The following KCNN1 variants were observed in gnomAD, a reference collection of about 807,000 sequenced individuals.
The protein encoded by KCNN1 is potassium calcium-activated channel subfamily N member 1, also known as small conductance calcium-activated potassium channel protein 1.
Under a neutral mutation model 44.7 loss-of-function variants are expected in KCNN1, and 20 were observed. The observed-to-expected ratio is 0.45, with a 90% CI of 0.32 to 0.65. The LOEUF is 0.65. Ranked by LOEUF, KCNN1 falls within the 30% of genes least tolerant of loss-of-function variation. The pLI is 0.05. For synonymous variants in KCNN1, 324 were observed against 341.7 expected (o/e 0.95, Z 0.57); for missense variants, 632 against 785.3 (o/e 0.80, Z 2.33).
At chr19:17,952,917 C>A (rs1012469712) in intron 1 of KCNN1, among the ~76,000 whole-genome samples, 3 of 152,186 alleles carry the variant, frequency 2.0e-5, no homozygotes, top group Admixed American at 2.0e-4. Flanking sequence ...GGTCACCCAG[C>A]TGGGCTGGGG....
At chr19:17,989,296 A>G (rs1376119884) in intron 6 of KCNN1, among the ~76,000 whole-genome samples, 1 of 152,072 alleles carries the variant, frequency 6.6e-6, no homozygotes, top group Non-Finnish European at 1.5e-5. Flanking sequence ...CATCTCTAGT[A>G]AAAATACAAA....
intron 9 of KCNN1, among the ~76,000 whole-genome samples, chr19:17,996,815 G>A (rs1469222366): frequency 6.6e-6 from 1 of 152,130 alleles, no homozygotes; most frequent in African/African-American, 2.4e-5. Flanking sequence ...TTGCACTGAT[G>A]GAGGGAAAAG....
At chr19:17,986,559 T>A (rs1481633282) in intron 5 of KCNN1, among the ~76,000 whole-genome samples, 1 of 152,128 alleles carries the variant, frequency 6.6e-6, no homozygotes, top group African/African-American at 2.4e-5. Context: ...CTTTCTCTTT[T>A]CCCTAATTCA....
intron 9 of KCNN1, among the ~76,000 whole-genome samples, chr19:17,997,104 C>T (rs8182587): frequency 0.27 from 40,429 of 152,202 alleles, 5,848 homozygotes; most frequent in Non-Finnish European, 0.33. Context: ...GTGCCAGAAC[C>T]GGGCAGTTGA....
intron 5 of KCNN1, among the ~76,000 whole-genome samples, chr19:17,987,868 C>T (rs949870851): frequency 2.7e-5 from 4 of 147,506 alleles, no homozygotes; most frequent in Non-Finnish European, 4.5e-5. Flanking sequence ...CAGGGCCAGG[C>T]GCAGTGGCTT....
At chr19:17,990,885 T>C (rs73024634) in intron 7 of KCNN1, among the ~76,000 whole-genome samples, 6,982 of 152,020 alleles carry the variant, frequency 0.046, 174 homozygotes, top group Middle Eastern at 0.058. Flanking sequence ...CTGAGAACTA[T>C]TTAATAAAGT....
chr19:17,982,190 C>T, intron 4 of KCNN1, 63 bp downstream of exon 4: 1 of 1,324,238 alleles, frequency 7.6e-7, no homozygotes. Flanking sequence ...ACCTCCATGC[C>T]CATTCATGAT....
intron 2 of KCNN1, among the ~76,000 whole-genome samples, chr19:17,960,611 C>T (rs2031654191): frequency 1.3e-5 from 2 of 151,704 alleles, no homozygotes; most frequent in Non-Finnish European, 2.9e-5. Flanking sequence ...GCCTGGGTGA[C>T]AGGAGCGAAA....
At chr19:17,990,340 T>A (rs2032744114) in intron 7 of KCNN1, among the ~76,000 whole-genome samples, 1 of 150,836 alleles carries the variant, frequency 6.6e-6, no homozygotes, top group Non-Finnish European at 1.5e-5. Flanking sequence ...AGAACTTAAC[T>A]GGGTGTGGTG....
chr19:17,995,902 GC>G (rs1332739145), intron 9 of KCNN1, among the ~76,000 whole-genome samples: 4 of 151,862 alleles, frequency 2.6e-5, no homozygotes, highest in Admixed American at 1.3e-4. Context: ...AAGTTTTGAC[GC>G]CCCCTCACCC....
chr19:17,955,280 G>T (rs2031514985), intron 2 of KCNN1, among the ~76,000 whole-genome samples: 1 of 150,352 alleles, frequency 6.7e-6, no homozygotes, highest in African/African-American at 2.4e-5. Flanking sequence ...AAGAAAAAAG[G>T]CCAGACGTGG....
At chr19:17,991,273 G>C (rs2032785589) in intron 7 of KCNN1, among the ~76,000 whole-genome samples, 1 of 151,910 alleles carries the variant, frequency 6.6e-6, no homozygotes, top group African/African-American at 2.4e-5. Context: ...GCAACAAAGT[G>C]AGACCCCGTC....
chr19:17,958,731 C>G (rs2031605437), intron 2 of KCNN1, among the ~76,000 whole-genome samples: 1 of 145,220 alleles, frequency 6.9e-6, no homozygotes, highest in Non-Finnish European at 1.5e-5. Flanking sequence ...GGAGTCTTGC[C>G]TCGTCGCCCA....
chr19:18,000,051 T>A lies in KCNN1; in HGVS notation c.*1645T>A. On this transcript the variant is annotated 3_prime_UTR_variant, in exon 10 of 10. Coordinates refer to ENST00000684775, the MANE Select transcript of KCNN1 (RefSeq NM_001386974.1). ...GGCCAGGCAACTGGTAGGTGCTCAA[T>A]AAATGCTCCTTCCCGCCTGAGGGAT... The A allele has an allele frequency of 4.4e-6, 2 of 455,832 alleles. No individual in the cohort carries two copies. The highest frequency in any genetic ancestry group is 8.8e-6 in the Non-Finnish European group (2 of 226,648). 28.2% of individuals were successfully genotyped at this position (455,832 alleles called of 1,614,324 possible). A position where few individuals can be genotyped will look rare whatever the true frequency, so the allele number is the denominator to read the frequency against.
rs1216889998 is a variant in KCNN1 at position 17,974,859 on chromosome 19, A to G, written c.403-233A>G. Among the ~76,000 whole-genome samples, 5 of 152,188 alleles carry G rather than the reference A, an allele frequency of 3.3e-5. No individual in the cohort carries two copies. Among genetic ancestry groups the G allele is most frequent in the African/African-American group, 1.2e-4 (5 of 41,430 alleles). On this transcript the variant is annotated intron_variant, in intron 2 of 9. Coordinates refer to ENST00000684775, the MANE Select transcript of KCNN1 (RefSeq NM_001386974.1). This position sits in a 1 kb window ranked among gnomAD's most constrained non-coding sequence, Gnocchi z 7.3. ...CAGTCCCCAGGAATAAGGACAGGAG[A>G]GCACCGCTTCCTGAATACAGCACAT...
At chr19:17,984,960 T>A (rs2278992) in intron 4 of KCNN1, among the ~76,000 whole-genome samples, 1 of 151,872 alleles carries the variant, frequency 6.6e-6, no homozygotes, top group Non-Finnish European at 1.5e-5. Flanking sequence ...AAGTTCTTCC[T>A]GGTGTCTGTC....
At chr19:17,951,870 G>A (rs1248239267) in intron 1 of KCNN1, among the ~76,000 whole-genome samples, 1 of 152,196 alleles carries the variant, frequency 6.6e-6, no homozygotes, top group African/African-American at 2.4e-5. Context: ...CCCAGAGTGA[G>A]GGGAGCAGCC....
Position 17,955,978 on chromosome 19 carries a change from G to A in KCNN1, c.-82+1297G>A, listed in dbSNP as rs2145898145. Among the ~76,000 whole-genome samples the A allele has an allele frequency of 2.6e-5, 4 of 152,102 alleles. No homozygotes were observed. The Middle Eastern group carries it at 0.014, about 517-fold the overall frequency. On this transcript the variant is annotated intron_variant, in intron 2 of 10. Coordinates refer to the KCNN1 transcript ENST00000222249. ...AGAGTCTGACTCTGTCGCCCAGGCT[G>A]GAGCGCAGTGGCATGATCTTGGCTC...
At chr19:17,966,046 TTCCTTCCTTCCTTCCTTC>T (rs2031800264), upstream of KCNN1, among the ~76,000 whole-genome samples, 1 of 149,574 alleles carries the variant, frequency 6.7e-6, no homozygotes, top group East Asian at 2.0e-4. Context: ...CCTTCCTTCC[TTCCTTCCTTCCTTCCTTC>T]CTTCCTTCCT....
Sources: allele counts gnomAD v4.1 joint callset (sites outside exome capture counted in the v4.1 genomes callset), GRCh38; gene constraint gnomAD v4.1.1; non-coding constraint Gnocchi (gnomAD v3.1); transcripts MANE v1.5; gene names NCBI Gene and HGNC (gene_info 2026-07-23, HGNC 2026-07-21).